ESRRB: variants seen among roughly 807,000 people sequenced by gnomAD.
The protein encoded by ESRRB is estrogen related receptor beta.
In ESRRB, 16 loss-of-function variants were observed where a neutral mutation model predicts 46.0. The observed-to-expected ratio is 0.35, with a 90% confidence interval of 0.24 to 0.53. ESRRB has a LOEUF of 0.53. Among genes scored for constraint, ESRRB ranks in the 20% least tolerant of loss-of-function variants. The probability of loss-of-function intolerance (pLI) is 0.93; values close to 1 mark genes in which losing one functional copy is unlikely to be tolerated. For synonymous variants in ESRRB, 246 were observed against 259.6 expected (o/e 0.95, Z 0.50); for missense variants, 488 against 607.4 (o/e 0.80, Z 2.07).
intron 1 of ESRRB, among the ~76,000 whole-genome samples, chr14:76,342,007 T>C (rs1884197247): frequency 6.6e-6 from 1 of 152,176 alleles, no homozygotes; most frequent in Non-Finnish European, 1.5e-5. Flanking sequence ...GTTGGGCTGA[T>C]GGGGACCCCA....
chr14:76,329,875 G>C (rs954041106), intron 1 of ESRRB, among the ~76,000 whole-genome samples: 3 of 152,090 alleles, frequency 2.0e-5, no homozygotes, highest in African/African-American at 7.2e-5. Context: ...GGATGTGCGG[G>C]GGGGATAATT....
chr14:76,355,322 T>A (rs1302249816), intron 1 of ESRRB, among the ~76,000 whole-genome samples: 1 of 152,054 alleles, frequency 6.6e-6, no homozygotes, highest in Non-Finnish European at 1.5e-5. Flanking sequence ...CCTGGCAGAC[T>A]TTTACCACGC....
intron 1 of ESRRB, among the ~76,000 whole-genome samples, chr14:76,352,456 G>A (rs1884325513): frequency 6.6e-6 from 1 of 152,162 alleles, no homozygotes; most frequent in Admixed American, 6.5e-5. Flanking sequence ...CTTAACCAGG[G>A]AGCTGCTAGT....
At chr14:76,377,855 T>C (rs1480364888) in intron 1 of ESRRB, among the ~76,000 whole-genome samples, 2 of 152,158 alleles carry the variant, frequency 1.3e-5, no homozygotes, top group African/African-American at 4.8e-5. Context: ...TGCTTCTAGT[T>C]TGGGGATTTT....
intron 1 of ESRRB, among the ~76,000 whole-genome samples, chr14:76,333,285 T>C (rs1884078097): frequency 2.5e-5 from 1 of 40,144 alleles, no homozygotes; most frequent in Non-Finnish European, 3.8e-5. Context: ...ATGATATATT[T>C]ATATATTATA....
At chr14:76,320,474 G>A (rs986677819) in intron 1 of ESRRB, among the ~76,000 whole-genome samples, 21 of 152,218 alleles carry the variant, frequency 1.4e-4, no homozygotes, top group African/African-American at 5.1e-4. Context: ...CAGTGATCAT[G>A]TTGTATGACA....
chr14:76,482,150 C>G lies in ESRRB; in HGVS notation c.688+24C>G. On this transcript the variant is annotated intron_variant, in intron 4 of 6. Coordinates refer to ENST00000644823, the MANE Select transcript of ESRRB (RefSeq NM_001379180.1). This position sits in a 1 kb window ranked among gnomAD's most constrained non-coding sequence, Gnocchi z 4.3. ...ATGTGAGTGTCAGGGCAGTCCCTGC[C>G]CCTTTTGCCAGCATCTGTACCTGGA... The G allele has an allele frequency of 6.4e-7, 1 of 1,566,054 alleles. No homozygotes were observed. Among genetic ancestry groups the G allele is most frequent in the Non-Finnish European group, 8.8e-7 (1 of 1,136,346 alleles).
chr14:76,462,549 C>T lies in ESRRB; in HGVS notation c.465C>T (p.Asn155=), dbSNP rs771367202. The change falls in exon 3 of 7, where the codon AAC becomes AAT. Residue 155 remains asparagine, a synonymous_variant. Coordinates refer to ENST00000644823, the MANE Select transcript of ESRRB (RefSeq NM_001379180.1). ...KAFFKRTIQG[N]IEYSCPATNE... ...CCTCTCTGTGTCTGGTTGCAGGGAA[C>T]ATTGAGTACAGCTGCCCGGCCACCA... 1 of 1,613,572 alleles carries T rather than the reference C, an allele frequency of 6.2e-7. No homozygotes were observed. Among genetic ancestry groups the T allele is most frequent in the Non-Finnish European group, 8.5e-7 (1 of 1,179,620 alleles).
At chr14:76,438,714 G>C (rs1032198826) in intron 1 of ESRRB, among the ~76,000 whole-genome samples, 1 of 152,032 alleles carries the variant, frequency 6.6e-6, no homozygotes, top group Non-Finnish European at 1.5e-5. Flanking sequence ...ATGCAGGAAG[G>C]TTGGCCAAAC....
chr14:76,468,869 C>T (rs1421995859), intron 3 of ESRRB, among the ~76,000 whole-genome samples: 2 of 152,118 alleles, frequency 1.3e-5, no homozygotes, highest in African/African-American at 4.8e-5. Flanking sequence ...TAGCCTCACT[C>T]CCTACTCTTG....
intron 5 of ESRRB, among the ~76,000 whole-genome samples, chr14:76,488,461 C>T (rs1322124544): frequency 6.6e-6 from 1 of 152,160 alleles, no homozygotes; most frequent in African/African-American, 2.4e-5. Context: ...CTGACTCCTA[C>T]AAGATAGGCA....
In ESRRB at chr14:76,446,526, G is replaced by A. The variant is rs375253887; in HGVS notation, c.460+6776G>A. Among the ~76,000 whole-genome samples, 18 of 151,824 alleles carry A rather than the reference G, an allele frequency of 1.2e-4. 1 individual carries two copies. The highest frequency in any genetic ancestry group is 4.1e-4 in the African/African-American group (17 of 41,402). ...GACCTCAACCTGATTGCATTTACTC[G>A]CATATCTAAAGAAAAAAAAATGCCA... On this transcript the variant is annotated intron_variant, in intron 2 of 6. Coordinates refer to ENST00000644823, the MANE Select transcript of ESRRB (RefSeq NM_001379180.1).
intron 5 of ESRRB, among the ~76,000 whole-genome samples, chr14:76,486,005 G>C (rs573213181): frequency 6.6e-6 from 1 of 152,168 alleles, no homozygotes; most frequent in African/African-American, 2.4e-5. Context: ...GGGGAGCTTG[G>C]TTCACTCAGA....
At chr14:76,445,261 G>C (rs1195278985) in intron 2 of ESRRB, among the ~76,000 whole-genome samples, 2 of 150,956 alleles carry the variant, frequency 1.3e-5, no homozygotes, top group Non-Finnish European at 2.9e-5. Flanking sequence ...CCTAAGATCA[G>C]GTGTTCAGGA....
At chr14:76,322,586 T>A (rs1883880606) in intron 1 of ESRRB, among the ~76,000 whole-genome samples, 1 of 152,142 alleles carries the variant, frequency 6.6e-6, no homozygotes, top group East Asian at 1.9e-4. Context: ...TTTCCACAGG[T>A]CATCTTTCTT....
intron 1 of ESRRB, among the ~76,000 whole-genome samples, chr14:76,358,320 AAAAAAAGAAAG>A: frequency 1.2e-5 from 1 of 83,422 alleles, no homozygotes; most frequent in Admixed American, 1.4e-4. Flanking sequence ...TCAAAAAAAA[AAAAAAAGAAAG>A]AAAGAAAGAA....
At chr14:76,453,438 A>C (rs1595133904) in intron 2 of ESRRB, among the ~76,000 whole-genome samples, 2 of 152,160 alleles carry the variant, frequency 1.3e-5, no homozygotes, top group East Asian at 3.8e-4. Context: ...AGTAGAGAGG[A>C]TGACTCTGTG....
intron 3 of ESRRB, among the ~76,000 whole-genome samples, chr14:76,470,518 C>A (rs1403279561): frequency 2.0e-5 from 3 of 152,192 alleles, no homozygotes; most frequent in African/African-American, 7.2e-5. Context: ...CTAAGTAGCA[C>A]ACATCTGTTC....
At chr14:76,481,228 C>T (rs1049160892) in intron 3 of ESRRB, among the ~76,000 whole-genome samples, 18 of 152,196 alleles carry the variant, frequency 1.2e-4, no homozygotes, top group Non-Finnish European at 2.9e-5. Context: ...CCTGTGCCTT[C>T]GATCTGCTGG....
Sources: gnomAD v4.1 joint callset for allele counts (sites outside exome capture counted in the v4.1 genomes callset) on GRCh38, gnomAD v4.1.1 for gene constraint, Gnocchi (gnomAD v3.1) non-coding constraint, MANE v1.5 for transcripts, NCBI Gene and HGNC (gene_info 2026-07-23, HGNC 2026-07-21) for gene names.